TNS3: variants seen among roughly 807,000 people sequenced by gnomAD.
TNS3 encodes the protein tensin-3.
In TNS3, 45 loss-of-function variants were observed where a neutral mutation model predicts 140.9. The observed-to-expected ratio is 0.32, with a 90% CI of 0.25 to 0.41. The LOEUF is 0.41. TNS3 is among the 10% of genes least tolerant of loss of function. The probability of loss-of-function intolerance (pLI) is 1.00; values close to 1 mark genes in which losing one functional copy is unlikely to be tolerated. For synonymous variants in TNS3, 815 were observed against 788.4 expected (o/e 1.03, Z -0.56); for missense variants, 1,716 against 1,906.7 (o/e 0.90, Z 1.86).
At chr7:47,411,346 G>A (rs1793754993) in intron 13 of TNS3, among the ~76,000 whole-genome samples, 1 of 152,208 alleles carries the variant, frequency 6.6e-6, no homozygotes, top group Non-Finnish European at 1.5e-5. Flanking sequence ...CCATGGACTG[G>A]TGGAGGATGG....
chr7:47,446,220 TC>T (rs1258491380), intron 4 of TNS3, among the ~76,000 whole-genome samples: 2 of 152,004 alleles, frequency 1.3e-5, no homozygotes, highest in Non-Finnish European at 2.9e-5. Context: ...CATGCCATTC[TC>T]CTGCCTCAGC....
intron 14 of TNS3, 134 bp from the exon 15 acceptor site, chr7:47,400,592 A>T: frequency 1.6e-6 from 2 of 1,239,616 alleles, no homozygotes. Flanking sequence ...TGATACAGAA[A>T]GTATAGGCAG....
chr7:47,541,222 G>C (rs1460068010), intron 1 of TNS3, among the ~76,000 whole-genome samples: 1 of 152,184 alleles, frequency 6.6e-6, no homozygotes, highest in Non-Finnish European at 1.5e-5. Context: ...TGCTAGTCTA[G>C]AATGGGGGAC....
chr7:47,566,679 G>C (rs1334076308), intron 1 of TNS3, among the ~76,000 whole-genome samples: 1 of 152,178 alleles, frequency 6.6e-6, no homozygotes, highest in Non-Finnish European at 1.5e-5. Flanking sequence ...CAGTATCAAA[G>C]GTAAGAAGGG....
chr7:47,542,050 C>T (rs1343670900), intron 1 of TNS3, among the ~76,000 whole-genome samples: 1 of 151,604 alleles, frequency 6.6e-6, no homozygotes, highest in East Asian at 1.9e-4. Flanking sequence ...TTCCATGCGT[C>T]GTGGGATGGG....
intron 3 of TNS3, among the ~76,000 whole-genome samples, chr7:47,485,104 T>C (rs968160094): frequency 3.3e-5 from 5 of 152,164 alleles, no homozygotes; most frequent in Admixed American, 2.6e-4. Context: ...GGCTGGGATG[T>C]GTGCGGTGGC....
In TNS3 at chr7:47,297,105, G is replaced by A. The variant is rs768805348; in HGVS notation, c.3653C>T (p.Ser1218Leu). The change falls in exon 24 of 31, where the codon TCA (serine) becomes TTA (leucine). Residue 1218 changes from serine to leucine, a missense_variant. Ser to Leu is a moderately radical substitution (Grantham distance 145, BLOSUM62 -2). Around this residue, in one of 3 missense-constraint regions of TNS3, gnomAD observed 216 missense variants for 295.7 expected, o/e 0.73. Transcript: ENST00000311160. ...ACCTTTCTTGTTCAGCTGCAGGACT[G>A]AAGGTGGGGGCGTGGCCACCTTCAT... ...LAMKVATPPP[S>L]VLQLNKKAGD... 2.7e-5 allele frequency: 43 copies of A among 1,614,062 alleles called. No homozygotes were observed. Among genetic ancestry groups the A allele is most frequent in the Non-Finnish European group, 3.4e-5 (40 of 1,180,050 alleles).
In TNS3 at chr7:47,411,766, G is replaced by A. The variant is rs549802472; in HGVS notation, c.684C>T (p.Ile228=). ...VGPENPSRIC[I]VIEPAQLLKG... The stretch of plus-strand genomic sequence containing the variant: ...TCAGAAGCTGGGCCGGCTCGATGAC[G>A]ATGCAGATCCTGCTGGGGTTTTCTG... The change falls in exon 13 of 31, where the codon ATC becomes ATT. Residue 228 remains isoleucine (I), a synonymous_variant. Coordinates refer to ENST00000311160, the MANE Select transcript of TNS3 (RefSeq NM_022748.12). The A allele has an allele frequency of 8.7e-6, 14 of 1,613,380 alleles. No individual in the cohort carries two copies. Among genetic ancestry groups the A allele is most frequent in the South Asian group, 2.2e-5 (2 of 90,802 alleles).
At position 47,277,080 on chromosome 7, in the gene TNS3, T is replaced by C. The variant is rs1228038727; in HGVS notation, c.*996A>G. 6.6e-6 allele frequency: 1 copy of C among 152,156 alleles called. No homozygotes were observed. Among genetic ancestry groups the C allele is most frequent in the Admixed American group, 6.5e-5 (1 of 15,284 alleles). The allele number at this position is 152,156 out of a possible 1,614,324, so 9.4% of individuals were successfully genotyped here. The stretch of plus-strand genomic sequence containing the variant: ...CAATGAGTAAAACATCAGGGTAGGT[T>C]GCTTGAGGCAAAGCCACCTTTGGGC... On this transcript the variant is annotated 3_prime_UTR_variant, in exon 31 of 31. Coordinates refer to ENST00000311160, the MANE Select transcript of TNS3 (RefSeq NM_022748.12).
At chr7:47,296,509 T>C (rs1562769223) in intron 24 of TNS3, among the ~76,000 whole-genome samples, 1 of 152,194 alleles carries the variant, frequency 6.6e-6, no homozygotes, top group Non-Finnish European at 1.5e-5. Flanking sequence ...GCAAAAGTCA[T>C]TATGGTTTTT....
rs73326587 is a variant in TNS3 at position 47,411,419 on chromosome 7, G to A, written c.723+308C>T. Among the ~76,000 whole-genome samples the A allele has an allele frequency of 8.8e-3, 1,337 of 152,130 alleles. 13 individuals carry two copies. Among genetic ancestry groups the A allele is most frequent in the African/African-American group, 0.025 (1,021 of 41,490 alleles). ...TCCTAAGGAGTGTGCAACCTAGATCGCTCGCATACACAGTTCACAATAGGG... is the reference window on the plus strand; with the variant it reads ...TCCTAAGGAGTGTGCAACCTAGATCACTCGCATACACAGTTCACAATAGGG... On this transcript the variant is annotated intron_variant, in intron 13 of 30. Coordinates refer to ENST00000311160, the MANE Select transcript of TNS3 (RefSeq NM_022748.12).
At chr7:47,502,071 T>C (rs1346358466) in intron 3 of TNS3, among the ~76,000 whole-genome samples, 3 of 152,200 alleles carry the variant, frequency 2.0e-5, no homozygotes, top group African/African-American at 7.2e-5. Context: ...TACATGAAGA[T>C]GGCAAAGCAC....
At chr7:47,462,055 C>T (rs747939541) in intron 4 of TNS3, among the ~76,000 whole-genome samples, 3 of 152,184 alleles carry the variant, frequency 2.0e-5, no homozygotes, top group Admixed American at 1.3e-4. Flanking sequence ...AGACAGGTGG[C>T]TACTTTTACC....
chr7:47,483,142 A>G (rs1427628078), intron 3 of TNS3, among the ~76,000 whole-genome samples: 1 of 151,324 alleles, frequency 6.6e-6, no homozygotes, highest in East Asian at 2.0e-4. Flanking sequence ...GAAAATGTTT[A>G]TATATGAAGA....
chr7:47,334,913 A>T (rs1201914597), intron 20 of TNS3, among the ~76,000 whole-genome samples: 1 of 152,160 alleles, frequency 6.6e-6, no homozygotes. Flanking sequence ...GGCGAGAACC[A>T]CGACTTTTTA....
chr7:47,571,246 A>G (rs1170178487), intron 1 of TNS3, among the ~76,000 whole-genome samples: 5 of 152,222 alleles, frequency 3.3e-5, no homozygotes, highest in African/African-American at 9.7e-5. Context: ...GCTACTCCTA[A>G]CAGCTCAGTG....
intron 8 of TNS3, among the ~76,000 whole-genome samples, chr7:47,434,506 T>C (rs1456619127): frequency 2.0e-5 from 3 of 152,178 alleles, no homozygotes; most frequent in Non-Finnish European, 2.9e-5. Flanking sequence ...TTTTCTCTAA[T>C]AGTAAGTTTC....
intron 10 of TNS3, among the ~76,000 whole-genome samples, chr7:47,422,622 AAAAAG>A (rs1307664623): frequency 7.8e-6 from 1 of 127,590 alleles, no homozygotes; most frequent in Non-Finnish European, 1.8e-5. Context: ...CAAAAAAAGA[AAAAAG>A]AAAAGAAAAA....
chr7:47,282,232 A>G (rs1031449086), intron 28 of TNS3, among the ~76,000 whole-genome samples: 1 of 146,402 alleles, frequency 6.8e-6, no homozygotes, highest in Non-Finnish European at 1.5e-5. Context: ...TGAGTCCACC[A>G]TGCAGCTGAG....
Sources: gnomAD v4.1 joint callset for allele counts (sites outside exome capture counted in the v4.1 genomes callset) on GRCh38, gnomAD v4.1.1 for gene constraint, gnomAD v4.1.1 regional missense constraint, MANE v1.5 for transcripts, NCBI Gene and HGNC (gene_info 2026-07-23, HGNC 2026-07-21) for gene names.